Variants in SLC12A7 observed in about 807,000 individuals in gnomAD.
SLC12A7 encodes solute carrier family 12 member 7, also known as K-Cl cotransporter 4.
A neutral mutation model predicts 120.6 loss-of-function variants in SLC12A7; 100 were observed. The observed-to-expected ratio is 0.83, with a 90% CI of 0.71 to 0.98. SLC12A7 has a LOEUF of 0.98. SLC12A7 is among the 50% of genes least tolerant of loss of function. The pLI is 0.00. For synonymous variants in SLC12A7, 760 were observed against 678.0 expected, an observed-to-expected ratio of 1.12 and a Z score of -1.88; for missense variants, 1,373 against 1,548.1, an observed-to-expected ratio of 0.89 and a Z score of 1.90.
the SLC12A7 span, among the ~76,000 whole-genome samples, chr5:1,125,646 C>T: frequency 5.9e-5 from 9 of 152,066 alleles, no homozygotes; most frequent in Non-Finnish European, 1.0e-4. Context: ...CTACCTGGGC[C>T]GGGCACAGTG....
chr5:1,124,082 C>G, the SLC12A7 span, among the ~76,000 whole-genome samples: 3 of 152,272 alleles, frequency 2.0e-5, no homozygotes, highest in South Asian at 6.2e-4. Flanking sequence ...GCTTTGATTG[C>G]TTTTGAAGGA....
intron 17 of SLC12A7, among the ~76,000 whole-genome samples, 167 bp from the exon 18 acceptor site, chr5:1,065,645 G>A (rs1736974359): frequency 6.6e-6 from 1 of 152,146 alleles, no homozygotes. Flanking sequence ...CGCTGTGTGT[G>A]TATGTGTGTA....
intron 1 of SLC12A7, among the ~76,000 whole-genome samples, chr5:1,110,536 T>C (rs930687287): frequency 4.6e-5 from 7 of 152,178 alleles, no homozygotes; most frequent in Non-Finnish European, 8.8e-5. Flanking sequence ...AAGACAAAAG[T>C]GAACCTGATC....
the SLC12A7 span, among the ~76,000 whole-genome samples, chr5:1,138,229 TGAACCC>T: frequency 6.6e-6 from 1 of 152,166 alleles, no homozygotes; most frequent in Non-Finnish European, 1.5e-5. Context: ...ATCATTGAAA[TGAACCC>T]CAGGGCACCA....
intron 6 of SLC12A7, 123 bp from the exon 7 acceptor site, chr5:1,085,596 G>T: frequency 7.3e-7 from 1 of 1,371,888 alleles, no homozygotes; most frequent in Non-Finnish European, 9.7e-7. Flanking sequence ...CCATCGGGAC[G>T]CATCCGTGCT....
Position 1,060,413 on chromosome 5 carries a change from T to C in SLC12A7, c.2778A>G (p.Thr926=), listed in dbSNP as rs1241211254. Residue 926 remains threonine (T), a synonymous_variant, in exon 21 of 24, where the codon ACA becomes ACG. Coordinates refer to ENST00000264930, the MANE Select transcript of SLC12A7 (RefSeq NM_006598.3). The stretch of plus-strand genomic sequence containing the variant: ...TCTGCGACCTCTGCTCCATCATTAG[T>C]GTCCTCTCGTAGGTGAAAGCAGATA... The part of the protein sequence containing the change: ...NDISAFTYER[T]LMMEQRSQML... 4 of 1,613,684 alleles carry C rather than the reference T, an allele frequency of 2.5e-6. No homozygotes were observed. Among genetic ancestry groups the C allele is most frequent in the Admixed American group, 3.3e-5 (2 of 60,008 alleles).
At chr5:1,060,255 TG>T in intron 21 of SLC12A7, 88 bp downstream of exon 21, 1 of 987,512 alleles carries the variant, frequency 1.0e-6, no homozygotes, top group Non-Finnish European at 1.6e-6. Flanking sequence ...AGGACCCTCG[TG>T]GGCTGCAGGA....
chr5:1,094,386 T>TC, intron 1 of SLC12A7, 138 bp from the exon 2 acceptor site: 1 of 677,132 alleles, frequency 1.5e-6, no homozygotes, highest in Non-Finnish European at 2.7e-6. Context: ...GTGATACTTC[T>TC]CACACACTCT....
chr5:1,153,433 C>T, the SLC12A7 span, among the ~76,000 whole-genome samples: 1 of 152,238 alleles, frequency 6.6e-6, no homozygotes, highest in Non-Finnish European at 1.5e-5. Flanking sequence ...ACGCTTTCCT[C>T]AGGGGCCTCT....
At chr5:1,095,188 C>T (rs1434089906) in intron 1 of SLC12A7, among the ~76,000 whole-genome samples, 2 of 152,162 alleles carry the variant, frequency 1.3e-5, no homozygotes, top group African/African-American at 2.4e-5. Flanking sequence ...CTAGGGCCCT[C>T]GCCAGACCCC....
At chr5:1,080,930 C>A (rs1005956621) in intron 9 of SLC12A7, among the ~76,000 whole-genome samples, 1 of 152,086 alleles carries the variant, frequency 6.6e-6, no homozygotes, top group African/African-American at 2.4e-5. Context: ...GAGACCTCAG[C>A]CACTTCCCCT....
intron 1 of SLC12A7, among the ~76,000 whole-genome samples, chr5:1,096,831 AAGG>A (rs1741278812): frequency 1.7e-5 from 1 of 60,088 alleles, no homozygotes; most frequent in Non-Finnish European, 3.3e-5. Context: ...GGAGGGAAGG[AAGG>A]AGGGAGGGAG....
chr5:1,140,128 C>T, the SLC12A7 span, among the ~76,000 whole-genome samples: 1 of 152,238 alleles, frequency 6.6e-6, no homozygotes, highest in Non-Finnish European at 1.5e-5. Context: ...CGCCGTCCTG[C>T]CCTCAGAAGG....
At position 1,094,184 on chromosome 5, in the gene SLC12A7, G is replaced by T; in HGVS notation, c.189C>A (p.Phe63Leu). Residue 63 changes from phenylalanine to leucine, a missense_variant, in exon 2 of 24, where the codon TTC (phenylalanine) becomes TTA (leucine). Transcript: ENST00000264930. ...LNNVEVEQESFFEGKNMALFE... is the reference protein window; with the variant it reads ...LNNVEVEQESLFEGKNMALFE... ...AAAGTGCCATGTTCTTCCCTTCAAA[G>T]AAGCTCTCTTGTTCCACCTCGACAT... 2 of 1,613,578 alleles carry T rather than the reference G, an allele frequency of 1.2e-6. No homozygotes were observed. The highest frequency in any genetic ancestry group is 1.7e-6 in the Non-Finnish European group (2 of 1,179,792).
intron 3 of SLC12A7, among the ~76,000 whole-genome samples, 172 bp from the exon 4 acceptor site, chr5:1,089,300 T>C (rs1579401657): frequency 1.3e-5 from 2 of 152,176 alleles, no homozygotes; most frequent in South Asian, 4.2e-4. Flanking sequence ...ACAGGACCCC[T>C]GACCATCCCG....
intron 3 of SLC12A7, among the ~76,000 whole-genome samples, chr5:1,089,392 C>T (rs1038056653): frequency 9.9e-5 from 15 of 152,052 alleles, no homozygotes; most frequent in East Asian, 1.9e-4. Flanking sequence ...GCCTCCCCGA[C>T]GGAGGGAAAC....
chr5:1,101,120 G>C (rs904666112), intron 1 of SLC12A7, among the ~76,000 whole-genome samples: 5 of 152,192 alleles, frequency 3.3e-5, no homozygotes, highest in Admixed American at 2.0e-4. Context: ...GCCTGTTTCA[G>C]CGCCCTCTCC....
chr5:1,076,340 C>T, intron 13 of SLC12A7, 104 bp from the exon 14 acceptor site: 1 of 849,668 alleles, frequency 1.2e-6, no homozygotes, highest in Admixed American at 2.5e-5. Flanking sequence ...CCCACCTGCG[C>T]CTTGTCTCCC....
chr5:1,082,026 GTCCAGGCTT>G (rs1561072150), intron 8 of SLC12A7, among the ~76,000 whole-genome samples: 1 of 107,922 alleles, frequency 9.3e-6, no homozygotes, highest in Non-Finnish European at 2.4e-5. Flanking sequence ...GTTCTGGAAA[GTCCAGGCTT>G]CCCGTCTCGG....
Sources: gnomAD v4.1 joint callset for allele counts (sites outside exome capture counted in the v4.1 genomes callset) on GRCh38, gnomAD v4.1.1 for gene constraint, MANE v1.5 for transcripts, NCBI Gene and HGNC (gene_info 2026-07-23, HGNC 2026-07-21) for gene names.